The following LCAT variants were observed in gnomAD, a reference collection of about 807,000 sequenced individuals.
LCAT encodes lecithin-cholesterol acyltransferase, also known as phosphatidylcholine-sterol acyltransferase.
In LCAT, 15 loss-of-function variants were observed where a neutral mutation model predicts 41.0. The observed-to-expected ratio is 0.37, with a 90% CI of 0.24 to 0.56. The LOEUF is 0.56. Ranked by LOEUF, LCAT falls within the 20% of genes least tolerant of loss-of-function variation. The pLI, the probability that LCAT is intolerant of heterozygous loss-of-function variation, is 0.81. For synonymous variants in LCAT, 248 were observed against 245.4 expected (o/e 1.01, Z -0.10); for missense variants, 449 against 595.1 (o/e 0.75, Z 2.55).
Position 67,943,207 on chromosome 16 carries a change from C to T in LCAT, c.160G>A (p.Gly54Ser), listed in dbSNP as rs1461145750. The T allele has an allele frequency of 4.3e-6, 7 of 1,612,962 alleles. No individual in the cohort carries two copies. The highest frequency in any genetic ancestry group is 5.1e-6 in the Non-Finnish European group (6 of 1,179,944). ...NHTRPVILVPGCLGNQLEAKL... is the reference protein window; with the variant it reads ...NHTRPVILVPSCLGNQLEAKL... ...GCTTCTAGCTGATTCCCCAGGCAGC[C>T]GGGCACTGTGAGCAGCAGCCCTCAC... The change falls in exon 2 of 6, where the codon GGC becomes AGC. Residue 54 changes from glycine to serine, a missense_variant. Coordinates refer to ENST00000264005, the MANE Select transcript of LCAT (RefSeq NM_000229.2). The surrounding 1 kb of genome is among the most constrained non-coding windows in gnomAD (Gnocchi z 4.6).
chr16:67,940,400 A>G lies in LCAT; in HGVS notation c.827T>C (p.Met276Thr), dbSNP rs121908054. The change falls in exon 6 of 6, where the codon ATG becomes ACG. Residue 276 changes from methionine (M) to threonine (T), a missense_variant. Coordinates refer to ENST00000264005, the MANE Select transcript of LCAT (RefSeq NM_000229.2). ...EQRITTTSPW[M>T]FPSRMAWPED... is the part of the protein sequence containing the mutation. The stretch of plus-strand genomic sequence containing the variant: ...AGGCCACGCCATGCGAGAGGGAAAC[A>G]TCCAGGGGGAGGTGGTGGTTATGCG... 1.2e-6 allele frequency: 2 copies of G among 1,614,088 alleles called. No individual in the cohort carries two copies. The highest frequency in any genetic ancestry group is 1.6e-4 in the Middle Eastern group (1 of 6,062).
rs202017590 is a variant in LCAT, at chr16:67,940,188, G to C, written c.1039C>G (p.Arg347Gly). 1 of 1,612,288 alleles carries C rather than the reference G, an allele frequency of 6.2e-7. No homozygotes were observed. Among genetic ancestry groups the C allele is most frequent in the African/African-American group, 1.3e-5 (1 of 74,686 alleles). Residue 347 changes from arginine (R) to glycine (G), a missense_variant, in exon 6 of 6, where the codon CGC becomes GGC. Arg to Gly is a moderately radical substitution (Grantham distance 125). Transcript: ENST00000264005. The part of the protein sequence containing the change: ...CLYGVGLPTP[R>G]TYIYDHGFPY... ...AAGCCGTGGTCGTAGATGTAGGTGCGGGGCGTGGGCAGGCCCACGCCGTAA... is the reference window on the plus strand; with the variant it reads ...AAGCCGTGGTCGTAGATGTAGGTGCCGGGCGTGGGCAGGCCCACGCCGTAA...
At position 67,942,925 on chromosome 16, in the gene LCAT, C is replaced by G. The variant is rs1472608950; in HGVS notation, c.363G>C (p.Gln121His). The change falls in exon 3 of 6, where the codon CAG (glutamine) becomes CAC (histidine). Residue 121 changes from glutamine to histidine, a missense_variant. Transcript: ENST00000264005. The surrounding 1 kb of genome is among the most constrained non-coding windows in gnomAD (Gnocchi z 6.6). The stretch of plus-strand genomic sequence containing the variant: ...TCTTGCCAAAGCCAGGGACGCGGAT[C>G]TGGACACCAGGGGCGTTGGACACGA... ...SGLVSNAPGV[Q>H]IRVPGFGKTY... 7 of 1,613,820 alleles carry G rather than the reference C, an allele frequency of 4.3e-6. No individual in the cohort carries two copies. In the Admixed American group the frequency reaches 1.0e-4, roughly 23 times the overall value.
rs767217400 is a variant in LCAT, at chr16:67,939,867, CAT to C, written c.*35_*36del. ...TCTAGTGCCTCCCTTCAACCTGAAA[CAT>C]AGCCATCAGGGCTTACGGTAGCAAA... On this transcript the variant is annotated 3_prime_UTR_variant, in exon 6 of 6. Coordinates refer to ENST00000264005, the MANE Select transcript of LCAT (RefSeq NM_000229.2). The C allele has an allele frequency of 1.4e-5, 23 of 1,595,060 alleles. 1 individual carries two copies. In the South Asian group the frequency reaches 1.8e-4, roughly 12 times the overall value.
chr16:67,943,832 A>T lies in LCAT; in HGVS notation c.154+116T>A. On this transcript the variant is annotated intron_variant, in intron 1 of 5. Transcript: ENST00000264005. This position sits in a 1 kb window ranked among gnomAD's most constrained non-coding sequence, Gnocchi z 4.6. ...GGCCCCTCCCCACACCAGGGCAGGT[A>T]CTTATGTCGGGGCTTATGCAGGGCA... 1.0e-6 allele frequency: 1 copy of T among 972,934 alleles called. No individual in the cohort carries two copies. Among genetic ancestry groups the T allele is most frequent in the Non-Finnish European group, 1.5e-6 (1 of 665,274 alleles). 60.3% of individuals were successfully genotyped at this position (972,934 alleles called of 1,614,324 possible). A position where few individuals can be genotyped will look rare whatever the true frequency, so the allele number is the denominator to read the frequency against.
intron 5 of LCAT, chr16:67,940,971 C>T (rs181411507): frequency 5.9e-6 from 1 of 170,274 alleles, no homozygotes; most frequent in East Asian, 1.6e-4. Context: ...CACCACTGCA[C>T]TGTAGCCTGG....
Position 67,940,173 on chromosome 16 carries a change from C to G in LCAT, c.1054G>C (p.Asp352His), listed in dbSNP as rs57506973. 2.2e-5 allele frequency: 36 copies of G among 1,613,104 alleles called. No homozygotes were observed. The highest frequency in any genetic ancestry group is 3.0e-5 in the Non-Finnish European group (35 of 1,179,880). Residue 352 changes from aspartate to histidine, a missense_variant, in exon 6 of 6, where the codon GAC becomes CAC. Asp to His is a moderately conservative substitution (Grantham distance 81). Coordinates refer to ENST00000264005, the MANE Select transcript of LCAT (RefSeq NM_000229.2). Reference protein sequence around the residue: ...GLPTPRTYIYDHGFPYTDPVG... With the variant: ...GLPTPRTYIYHHGFPYTDPVG... ...GGGTCCGTGTAGGGGAAGCCGTGGT[C>G]GTAGATGTAGGTGCGGGGCGTGGGC...
Position 67,943,973 on chromosome 16 carries a change from A to C in LCAT, c.129T>G (p.Ser43Arg), listed in dbSNP as rs1489598307. ...PPHTTPKAEL[S>R]NHTRPVILVP... ...CGAGGATGACGGGCCGTGTGTGGTTACTGAGCTCAGCCTTGGGCGTGGTGT... is the reference window on the plus strand; with the variant it reads ...CGAGGATGACGGGCCGTGTGTGGTTCCTGAGCTCAGCCTTGGGCGTGGTGT... Residue 43 changes from serine to arginine, a missense_variant, in exon 1 of 6, where the codon AGT (serine) becomes AGG (arginine). Physicochemically the swap from Ser to Arg is moderately radical, Grantham distance 110. Coordinates refer to ENST00000264005, the MANE Select transcript of LCAT (RefSeq NM_000229.2). This position sits in a 1 kb window ranked among gnomAD's most constrained non-coding sequence, Gnocchi z 4.6. 6.5e-7 allele frequency: 1 copy of C among 1,547,934 alleles called. No individual in the cohort carries two copies. Among genetic ancestry groups the C allele is most frequent in the African/African-American group, 1.4e-5 (1 of 72,938 alleles).
chr16:67,941,663 G>C (rs2058291437), intron 5 of LCAT: 3 of 990,930 alleles, frequency 3.0e-6, no homozygotes, highest in Admixed American at 5.7e-5. Context: ...CAGGGTGTGT[G>C]GGGATGGTGG....
rs1044889786 is a variant in LCAT at position 67,940,045 on chromosome 16, C to A, written c.1182G>T (p.Leu394=). The change falls in exon 6 of 6, where the codon CTG becomes CTT. Residue 394 remains leucine, a synonymous_variant. Transcript: ENST00000264005. ...QGRQPQPVHL[L]PLHGIQHLNM... ...TGAGATGCTGTATCCCGTGCAGGGG[C>A]AGCAGGTGCACAGGCTGTGGCTGGC... is the stretch of plus-strand genomic sequence containing the variant. 6.2e-7 allele frequency: 1 copy of A among 1,613,392 alleles called. No individual in the cohort carries two copies. The highest frequency in any genetic ancestry group is 1.7e-5 in the Admixed American group (1 of 60,008).
chr16:67,939,960 G>A lies in LCAT; in HGVS notation c.1267C>T (p.Arg423Cys), dbSNP rs370803551. ...GTCGGGGATGCAGGGGGACCCTGGC[G>A]GTAGGCACCCAGCAGGATGGCATTG... ...HINAILLGAY[R>C]QGPPASPTAS... is the part of the protein sequence containing the mutation. The change falls in exon 6 of 6, where the codon CGC becomes TGC. Residue 423 changes from arginine to cysteine, a missense_variant. Coordinates refer to ENST00000264005, the MANE Select transcript of LCAT (RefSeq NM_000229.2). 33 of 1,613,484 alleles carry A rather than the reference G, an allele frequency of 2.0e-5. No individual in the cohort carries two copies. The highest frequency in any genetic ancestry group is 4.5e-5 in the East Asian group (2 of 44,896).
chr16:67,940,165 G>A lies in LCAT; in HGVS notation c.1062C>T (p.Gly354=), dbSNP rs1208786430. ...PTPRTYIYDH[G]FPYTDPVGVL... is the part of the protein sequence containing the mutation. ...CACCCACAGGGTCCGTGTAGGGGAAGCCGTGGTCGTAGATGTAGGTGCGGG... is the reference window on the plus strand; with the variant it reads ...CACCCACAGGGTCCGTGTAGGGGAAACCGTGGTCGTAGATGTAGGTGCGGG... The change falls in exon 6 of 6, where the codon GGC becomes GGT. Residue 354 remains glycine (G), a synonymous_variant. Transcript: ENST00000264005. 8 of 1,613,598 alleles carry A rather than the reference G, an allele frequency of 5.0e-6. No homozygotes were observed. Among genetic ancestry groups the A allele is most frequent in the Non-Finnish European group, 2.5e-6 (3 of 1,180,028 alleles).
chr16:67,943,061 G>A lies in LCAT; in HGVS notation c.306C>T (p.Asn102=), dbSNP rs768708739. The A allele has an allele frequency of 1.2e-6, 2 of 1,613,856 alleles. No individual in the cohort carries two copies. Among genetic ancestry groups the A allele is most frequent in the East Asian group, 4.5e-5 (2 of 44,900 alleles). ...GGTGGAGCACATGGCTGTACCTGGT[G>A]TTATCGATCCAGCAGTCTACCCCAA... The part of the protein sequence containing the change: ...LPLGVDCWID[N]TRVVYNRSSG... The change falls in exon 2 of 6, where the codon AAC becomes AAT. Residue 102 remains asparagine (N), a synonymous_variant. Coordinates refer to ENST00000264005, the MANE Select transcript of LCAT (RefSeq NM_000229.2). The surrounding 1 kb of genome is among the most constrained non-coding windows in gnomAD (Gnocchi z 4.6).
chr16:67,943,974 C>G lies in LCAT; in HGVS notation c.128G>C (p.Ser43Thr), dbSNP rs143128684. The G allele has an allele frequency of 6.5e-7, 1 of 1,548,100 alleles. No individual in the cohort carries two copies. Among genetic ancestry groups the G allele is most frequent in the African/African-American group, 1.4e-5 (1 of 72,970 alleles). ...GAGGATGACGGGCCGTGTGTGGTTA[C>G]TGAGCTCAGCCTTGGGCGTGGTGTG... Reference protein sequence around the residue: ...PPHTTPKAELSNHTRPVILVP... With the variant: ...PPHTTPKAELTNHTRPVILVP... Residue 43 changes from serine (S) to threonine (T), a missense_variant, in exon 1 of 6, where the codon AGT (serine) becomes ACT (threonine). Physicochemically the swap from Ser to Thr is moderately conservative, Grantham distance 58. Coordinates refer to ENST00000264005, the MANE Select transcript of LCAT (RefSeq NM_000229.2). The surrounding 1 kb of genome is among the most constrained non-coding windows in gnomAD (Gnocchi z 4.6).
chr16:67,940,344 A>G lies in LCAT; in HGVS notation c.883T>C (p.Phe295Leu). 1 of 1,614,128 alleles carries G rather than the reference A, an allele frequency of 6.2e-7. No individual in the cohort carries two copies. The highest frequency in any genetic ancestry group is 1.1e-5 in the South Asian group (1 of 91,084). Residue 295 changes from phenylalanine to leucine, a missense_variant, in exon 6 of 6, where the codon TTC becomes CTC. Phe to Leu is a conservative substitution (Grantham distance 22, BLOSUM62 0). Coordinates refer to ENST00000264005, the MANE Select transcript of LCAT (RefSeq NM_000229.2). ...TGGAAGTCACGGCCTGTGTAGTTGA[A>G]GCTGGGTGTGGAAATGAACACGTGG... ...EDHVFISTPS[F>L]NYTGRDFQRF...
rs1230865676 is a variant in LCAT at position 67,942,988 on chromosome 16, G to C, written c.312-12C>G. 5.0e-6 allele frequency: 8 copies of C among 1,613,728 alleles called. No homozygotes were observed. Among genetic ancestry groups the C allele is most frequent in the East Asian group, 2.2e-5 (1 of 44,884 alleles). On this transcript the variant is annotated splice_polypyrimidine_tract_variant and intron_variant, in intron 2 of 5. Transcript: ENST00000264005. The surrounding 1 kb of genome is among the most constrained non-coding windows in gnomAD (Gnocchi z 6.6). ...GGTTGTAGACAACCCTGCGGGGCGG[G>C]GGTGCCACTCAGCAGCCAGTAGCCA...
chr16:67,943,486 C>A lies in LCAT; in HGVS notation c.155-274G>T. On this transcript the variant is annotated intron_variant, in intron 1 of 5. Transcript: ENST00000264005. The surrounding 1 kb of genome is among the most constrained non-coding windows in gnomAD (Gnocchi z 4.6). ...TGCAGAGCAAACACCCAGTCTGGCG[C>A]TCCTTTATTGCCAAAGTCCAAGGTG... 1.8e-6 allele frequency: 1 copy of A among 542,196 alleles called. No homozygotes were observed. The highest frequency in any genetic ancestry group is 3.3e-6 in the Non-Finnish European group (1 of 299,622). The allele number at this position is 542,196 out of a possible 1,614,324, so 33.6% of individuals were successfully genotyped here.
chr16:67,943,735 C>A lies in LCAT; in HGVS notation c.154+213G>T, dbSNP rs568288823. 2 of 584,708 alleles carry A rather than the reference C, an allele frequency of 3.4e-6. No homozygotes were observed. The highest frequency in any genetic ancestry group is 2.4e-5 in the South Asian group (1 of 42,218). The allele number at this position is 584,708 out of a possible 1,614,324, so 36.2% of individuals were successfully genotyped here. A position where few individuals can be genotyped will look rare whatever the true frequency, so the allele number is the denominator to read the frequency against. On this transcript the variant is annotated intron_variant, in intron 1 of 5. Coordinates refer to ENST00000264005, the MANE Select transcript of LCAT (RefSeq NM_000229.2). This position sits in a 1 kb window ranked among gnomAD's most constrained non-coding sequence, Gnocchi z 4.6. ...CACACCCCGTCCCCCACTCCGCCCC[C>A]CCTGGGTTAGACAACTGAGAGTCAC...
Position 67,942,342 on chromosome 16 carries a change from A to G in LCAT, c.748+21T>C, listed in dbSNP as rs201542401. 1.2e-6 allele frequency: 2 copies of G among 1,610,784 alleles called. No homozygotes were observed. The highest frequency in any genetic ancestry group is 1.7e-6 in the Non-Finnish European group (2 of 1,177,384). On this transcript the variant is annotated intron_variant, in intron 5 of 5. Coordinates refer to ENST00000264005, the MANE Select transcript of LCAT (RefSeq NM_000229.2). This position sits in a 1 kb window ranked among gnomAD's most constrained non-coding sequence, Gnocchi z 6.6. ...CTTGGTCTCACCCATCGCTGGACCT[A>G]AGTGTTCGAGGCCTTCTCACCTGAG...
Sources: gnomAD v4.1 joint callset for allele counts on GRCh38, gnomAD v4.1.1 for gene constraint, Gnocchi (gnomAD v3.1) non-coding constraint, MANE v1.5 for transcripts, NCBI Gene and HGNC (gene_info 2026-07-23, HGNC 2026-07-21) for gene names.